Variants in BFAR observed in about 807,000 individuals in gnomAD.
BFAR encodes bifunctional apoptosis regulator.
BFAR carries 52 observed loss-of-function variants against 54.4 expected under a neutral mutation model. The ratio of observed to expected loss-of-function variants is 0.96; its 90% CI spans 0.77 to 1.21. The LOEUF (loss-of-function observed/expected upper bound fraction) is 1.21, where lower values mean the gene tolerates loss of function less well. BFAR is among the 50% of genes most tolerant of loss of function. BFAR has a pLI of 0.00. For synonymous variants in BFAR, 215 were observed against 204.3 expected (o/e 1.05, Z -0.45); for missense variants, 571 against 534.0 (o/e 1.07, Z -0.68).
Position 14,641,139 on chromosome 16 carries a change from A to G in BFAR, c.-73-3135A>G, listed in dbSNP as rs555687849. Among the ~76,000 whole-genome samples, 4 of 152,332 alleles carry G rather than the reference A, an allele frequency of 2.6e-5. No individual in the cohort carries two copies. The South Asian group carries it at 8.3e-4, about 32-fold the overall frequency. ...ATTGCTTCTCGCCCTTTTGGCTAAG[A>G]TCAACTAAACTTGGTAAATAACAGT... On this transcript the variant is annotated intron_variant, in intron 1 of 7. Transcript: ENST00000261658.
At position 14,644,259 on chromosome 16, in the gene BFAR, GT is replaced by G. The variant is rs371975687; in HGVS notation, c.-73-5del. ...TACTATTTGCCTTATTTTTGTCTCT[GT>G]TTTTTTTTTCTAGATTAATGATGTT... is the stretch of plus-strand genomic sequence containing the variant. On this transcript the variant is annotated splice_polypyrimidine_tract_variant and intron_variant, in intron 1 of 7. Transcript: ENST00000261658. The G allele has an allele frequency of 3.3e-4, 396 of 1,195,932 alleles. No homozygotes were observed. The highest frequency in any genetic ancestry group is 4.2e-4 in the Middle Eastern group (2 of 4,786). The allele number at this position is 1,195,932 out of a possible 1,614,324, so 74.1% of individuals were successfully genotyped here. A position where few individuals can be genotyped will look rare whatever the true frequency, so the allele number is the denominator to read the frequency against.
intron 6 of BFAR, among the ~76,000 whole-genome samples, chr16:14,663,293 A>G (rs1200259242): frequency 2.0e-5 from 3 of 151,508 alleles, no homozygotes; most frequent in Non-Finnish European, 4.4e-5. Flanking sequence ...CCAGCCCTTC[A>G]ATTTTAACGA....
intron 5 of BFAR, among the ~76,000 whole-genome samples, chr16:14,658,922 T>C (rs897100647): frequency 6.6e-6 from 1 of 151,510 alleles, no homozygotes; most frequent in South Asian, 2.1e-4. Flanking sequence ...TTTTTTTTTT[T>C]CTGAGATGGA....
chr16:14,641,352 A>G (rs1345092456), intron 1 of BFAR, among the ~76,000 whole-genome samples: 2 of 152,170 alleles, frequency 1.3e-5, no homozygotes, highest in Admixed American at 6.6e-5. Context: ...ACAGCTAGCC[A>G]TATGTGCAGA....
At chr16:14,633,341 G>C (rs921936592) in intron 1 of BFAR, 2 of 152,376 alleles carry the variant, frequency 1.3e-5, no homozygotes, top group African/African-American at 4.8e-5. Flanking sequence ...GCGGGAAGGA[G>C]GAGGGGTCGC....
intron 1 of BFAR, among the ~76,000 whole-genome samples, chr16:14,638,181 G>C (rs1302357948): frequency 2.6e-5 from 4 of 152,092 alleles, no homozygotes; most frequent in Non-Finnish European, 4.4e-5. Context: ...CCAGGAACTC[G>C]AGACCATCAT....
intron 1 of BFAR, among the ~76,000 whole-genome samples, chr16:14,635,630 A>T (rs1490423552): frequency 6.6e-6 from 1 of 152,156 alleles, no homozygotes; most frequent in South Asian, 2.1e-4. Context: ...AGGTCTAGGC[A>T]GCAAGTCAGC....
At chr16:14,644,162 C>T (rs75091237) in intron 1 of BFAR, 112 bp from the exon 2 acceptor site, 2 of 503,220 alleles carry the variant, frequency 4.0e-6, no homozygotes, top group Middle Eastern at 5.4e-4. Context: ...GACTGTGTCT[C>T]AAAAAAAAAA....
chr16:14,663,530 A>G (rs2151844883), intron 6 of BFAR, among the ~76,000 whole-genome samples: 2 of 151,306 alleles, frequency 1.3e-5, no homozygotes, highest in African/African-American at 4.9e-5. Context: ...ATGGGGTTTC[A>G]CTGTGTCAGC....
intron 4 of BFAR, among the ~76,000 whole-genome samples, chr16:14,651,438 A>G (rs562457044): frequency 4.5e-4 from 68 of 152,330 alleles, no homozygotes; most frequent in Middle Eastern, 3.4e-3. Context: ...TCACATGCTC[A>G]GCTATCCAGA....
chr16:14,638,713 A>G (rs935219083), intron 1 of BFAR, among the ~76,000 whole-genome samples: 1 of 152,230 alleles, frequency 6.6e-6, no homozygotes, highest in Non-Finnish European at 1.5e-5. Flanking sequence ...TGGGAGGCCA[A>G]GATGGGTGGA....
chr16:14,662,038 TG>T lies in BFAR; in HGVS notation c.934del (p.Glu312ArgfsTer32). The stretch of plus-strand genomic sequence containing the variant: ...TCTGCCCTCTGCAAGAAGACAGCTC[TG>T]GGGAGGACATCGTCACCAAGCTTCT... The part of the protein sequence containing the change: ...TICPLQEDSS[G>X]EDIVTKLLDL... On this transcript the variant is annotated frameshift_variant, in exon 6 of 8. Coordinates refer to ENST00000261658, the MANE Select transcript of BFAR (RefSeq NM_016561.3). LOFTEE classifies it high-confidence loss of function. The T allele has an allele frequency of 6.2e-7, 1 of 1,614,180 alleles. No homozygotes were observed. Among genetic ancestry groups the T allele is most frequent in the Non-Finnish European group, 8.5e-7 (1 of 1,180,026 alleles).
chr16:14,652,060 T>C (rs1277977030), intron 4 of BFAR, among the ~76,000 whole-genome samples: 2 of 151,512 alleles, frequency 1.3e-5, no homozygotes, highest in Non-Finnish European at 2.9e-5. Context: ...CTAATTTTTG[T>C]ATTTTTAGTA....
At position 14,654,976 on chromosome 16, in the gene BFAR, A is replaced by C. The variant is rs1960080561; in HGVS notation, c.639-90A>C. 8 of 1,306,516 alleles carry C rather than the reference A, an allele frequency of 6.1e-6. No homozygotes were observed. In the Admixed American group the frequency reaches 1.6e-4, roughly 26 times the overall value. The allele number at this position is 1,306,516 out of a possible 1,614,324, so 80.9% of individuals were successfully genotyped here. On this transcript the variant is annotated intron_variant, in intron 4 of 7. Coordinates refer to ENST00000261658, the MANE Select transcript of BFAR (RefSeq NM_016561.3). ...TGTCTCACCATACCTCAAGCCTACAATATTTATATTAGTAAGATGGAACTC... is the reference window on the plus strand; with the variant it reads ...TGTCTCACCATACCTCAAGCCTACACTATTTATATTAGTAAGATGGAACTC...
In BFAR at chr16:14,644,143, A is replaced by G. The variant is rs560103827; in HGVS notation, c.-73-131A>G. On this transcript the variant is annotated intron_variant, in intron 1 of 7. Transcript: ENST00000261658. The stretch of plus-strand genomic sequence containing the variant: ...ACGCCACTGCACTCCATCCTGGGCC[A>G]GAGAGCAAGACTGTGTCTCAAAAAA... 177 of 597,190 alleles carry G rather than the reference A, an allele frequency of 3.0e-4. 2 individuals carry two copies. The highest frequency in any genetic ancestry group is 1.8e-3 in the Middle Eastern group (4 of 2,194). The allele number at this position is 597,190 out of a possible 1,614,324, so 37.0% of individuals were successfully genotyped here. A position where few individuals can be genotyped will look rare whatever the true frequency, so the allele number is the denominator to read the frequency against.
intron 1 of BFAR, among the ~76,000 whole-genome samples, chr16:14,641,776 G>A (rs1567484901): frequency 2.0e-5 from 3 of 151,988 alleles, no homozygotes; most frequent in Admixed American, 6.6e-5. Flanking sequence ...CAGGAGAATC[G>A]CTTGAACCCC....
chr16:14,659,344 C>T (rs1375530449), intron 5 of BFAR, among the ~76,000 whole-genome samples: 4 of 151,416 alleles, frequency 2.6e-5, no homozygotes, highest in Non-Finnish European at 5.9e-5. Context: ...CAGGTTCAAG[C>T]GATTCTCCTG....
rs1182742673 is a variant in BFAR at position 14,648,584 on chromosome 16, G to A, written c.460G>A (p.Gly154Arg). 6.2e-7 allele frequency: 1 copy of A among 1,613,042 alleles called. No individual in the cohort carries two copies. Among genetic ancestry groups the A allele is most frequent in the East Asian group, 2.2e-5 (1 of 44,862 alleles). ...FFSGVLTALT[G>R]VAVVLLVYHW... The stretch of plus-strand genomic sequence containing the variant: ...TTCCGGTGTGCTCACAGCTTTAACT[G>A]GAGTGGCAGTAAGTTGATCACTGTG... Residue 154 changes from glycine to arginine, a missense_variant, in exon 3 of 8, where the codon GGA becomes AGA. Transcript: ENST00000261658.
Position 14,652,712 on chromosome 16 carries a change from TATAA to T in BFAR, c.639-2351_639-2348del, listed in dbSNP as rs536226551. The stretch of plus-strand genomic sequence containing the variant: ...CCAGATGTTTCAGTACTTACACAGA[TATAA>T]ATGTGTTTTTTTTAATTTAAACTGA... On this transcript the variant is annotated intron_variant, in intron 4 of 7. Coordinates refer to ENST00000261658, the MANE Select transcript of BFAR (RefSeq NM_016561.3). 4.2e-3 allele frequency among the ~76,000 whole-genome samples: 639 copies of T among 152,292 alleles called. 3 individuals are homozygous for T. The highest frequency in any genetic ancestry group is 0.01 in the Middle Eastern group (3 of 294).
Sources: allele counts gnomAD v4.1 joint callset (sites outside exome capture counted in the v4.1 genomes callset), GRCh38; gene constraint gnomAD v4.1.1; transcripts MANE v1.5; gene names NCBI Gene and HGNC (gene_info 2026-07-23, HGNC 2026-07-21).